SLTM: variants seen among roughly 807,000 people sequenced by gnomAD.
SLTM encodes the protein SAFB like transcription modulator.
SLTM carries 43 observed loss-of-function variants against 134.6 expected under a neutral mutation model. That is an observed-to-expected ratio of 0.32 (90% CI 0.25 to 0.41). The LOEUF is 0.41. Among genes scored for constraint, SLTM ranks in the 10% least tolerant of loss-of-function variants. SLTM has a pLI of 1.00. For missense variants in SLTM, 1,055 were observed against 1,288.8 expected, an observed-to-expected ratio of 0.82 and a Z score of 2.78; for synonymous variants, 424 against 432.3, an observed-to-expected ratio of 0.98 and a Z score of 0.24.
At chr15:58,913,831 T>C (rs554589603) in intron 3 of SLTM, 135 bp from the exon 4 acceptor site, 16 of 641,596 alleles carry the variant, frequency 2.5e-5, no homozygotes, top group Admixed American at 6.1e-5. Context: ...TCATTCATTT[T>C]ACCTTATATA....
Position 58,879,822 on chromosome 15 carries a change from C to G in SLTM, c.*177G>C. The G allele has an allele frequency of 1.4e-6, 1 of 736,290 alleles. No homozygotes were observed. The highest frequency in any genetic ancestry group is 2.0e-6 in the Non-Finnish European group (1 of 490,770). The allele number at this position is 736,290 out of a possible 1,614,324, so 45.6% of individuals were successfully genotyped here. The stretch of plus-strand genomic sequence containing the variant: ...TGATACACAAAACTATTAAAAGTTA[C>G]AACAGAACTATTTAAACATCTTCTC... On this transcript the variant is annotated 3_prime_UTR_variant, in exon 21 of 21. Coordinates refer to ENST00000380516, the MANE Select transcript of SLTM (RefSeq NM_024755.4).
At chr15:58,883,399 G>T (rs1234591071) in intron 20 of SLTM, 2 of 542,080 alleles carry the variant, frequency 3.7e-6, no homozygotes, top group East Asian at 6.5e-5. Context: ...ATATCAACTT[G>T]CCAGAACGTC....
intron 1 of SLTM, among the ~76,000 whole-genome samples, 186 bp downstream of exon 1, chr15:58,933,218 C>T (rs1315588420): frequency 6.6e-6 from 1 of 151,528 alleles, no homozygotes; most frequent in East Asian, 1.9e-4. Context: ...GCCCGGGGCG[C>T]GGGGCGGGGG....
Position 58,908,002 on chromosome 15 carries a change from CGTGTGTGTGTGTGTGTGTGT to C in SLTM, c.561+4541_561+4560del, listed in dbSNP as rs140029214. Among the ~76,000 whole-genome samples, 4 of 139,868 alleles carry C rather than the reference CGTGTGTGTGTGTGTGTGTGT, an allele frequency of 2.9e-5. No homozygotes were observed. In the East Asian group the frequency reaches 8.3e-4, roughly 29 times the overall value. 91.8% of individuals were successfully genotyped at this position (139,868 alleles called of 152,430 possible). ...GATATATCCCTATATAAACATGCTG[CGTGTGTGTGTGTGTGTGTGT>C]GTGTGTGTGTGTGTACATATACATA... On this transcript the variant is annotated intron_variant, in intron 5 of 20. Coordinates refer to ENST00000380516, the MANE Select transcript of SLTM (RefSeq NM_024755.4).
At chr15:58,923,480 CCATCCTGTCAATA>C (rs748403022) in intron 2 of SLTM, among the ~76,000 whole-genome samples, 4 of 152,132 alleles carry the variant, frequency 2.6e-5, no homozygotes, top group South Asian at 2.1e-4. Context: ...GTGTGTAACC[CCATCCTGTCAATA>C]CATCCTGTCA....
At chr15:58,897,535 G>C (rs1416356724) in intron 8 of SLTM, 1 of 199,272 alleles carries the variant, frequency 5.0e-6, no homozygotes, top group African/African-American at 2.3e-5. Flanking sequence ...GCACTGAATA[G>C]AGACAACTAG....
chr15:58,905,591 G>C (rs1450804342), intron 5 of SLTM, among the ~76,000 whole-genome samples: 7 of 151,988 alleles, frequency 4.6e-5, no homozygotes, highest in African/African-American at 1.7e-4. Context: ...AAAGAATGCA[G>C]TTTGACTCCC....
At chr15:58,924,932 G>A (rs530219420) in intron 2 of SLTM, among the ~76,000 whole-genome samples, 2 of 152,238 alleles carry the variant, frequency 1.3e-5, no homozygotes, top group Admixed American at 1.3e-4. Context: ...CAATCTTCCT[G>A]CCTTGGCCTC....
intron 2 of SLTM, among the ~76,000 whole-genome samples, chr15:58,920,785 T>G (rs2036987634): frequency 6.6e-6 from 1 of 151,396 alleles, no homozygotes; most frequent in Non-Finnish European, 1.5e-5. Flanking sequence ...GTGAACCCAT[T>G]CTTTACTAAA....
At chr15:58,893,186 A>T in intron 13 of SLTM, 93 bp downstream of exon 13, 5 of 1,409,350 alleles carry the variant, frequency 3.5e-6, no homozygotes, top group Non-Finnish European at 4.9e-6. Flanking sequence ...GTTTGCTAGC[A>T]TGCAAGTACG....
chr15:58,922,377 C>CAAAAAAAAAAAA (rs59996812), intron 2 of SLTM, among the ~76,000 whole-genome samples: 3 of 61,132 alleles, frequency 4.9e-5, no homozygotes, highest in African/African-American at 1.6e-4. Flanking sequence ...AACTCTGCCT[C>CAAAAAAAAAAAA]AAAAAAAAAA....
intron 9 of SLTM, 121 bp from the exon 10 acceptor site, chr15:58,894,703 A>ATTTT: frequency 1.0e-5 from 7 of 678,644 alleles, no homozygotes; most frequent in African/African-American, 4.1e-5. Flanking sequence ...ATTCTGTCTC[A>ATTTT]TGTTTTTTTT....
chr15:58,886,239 G>C (rs1325784763), intron 19 of SLTM, among the ~76,000 whole-genome samples: 1 of 145,718 alleles, frequency 6.9e-6, no homozygotes, highest in Non-Finnish European at 1.5e-5. Context: ...GTGTGTGTGT[G>C]TGTGTGTGTG....
intron 5 of SLTM, among the ~76,000 whole-genome samples, chr15:58,907,619 T>TCAACAA (rs71812823): frequency 6.6e-6 from 1 of 151,568 alleles, no homozygotes; most frequent in African/African-American, 2.4e-5. Context: ...AGACCAGGTC[T>TCAACAA]CAACAACAAC....
Position 58,889,431 on chromosome 15 carries a change from T to C in SLTM, c.2203A>G (p.Arg735Gly). 6.2e-7 allele frequency: 1 copy of C among 1,613,822 alleles called. No homozygotes were observed. The highest frequency in any genetic ancestry group is 8.5e-7 in the Non-Finnish European group (1 of 1,179,742). ...SLKRPRDVDH[R>G]RDDPYWSENK... is the part of the protein sequence containing the mutation. ...TTAAGGAATAAAATGAGTAACTACC[T>C]ATGATCTACATCACGTGGGCGTTTC... The change falls in exon 16 of 21, where the codon AGG becomes GGG. Residue 735 changes from arginine to glycine, a missense_variant and splice_region_variant. Coordinates refer to ENST00000380516, the MANE Select transcript of SLTM (RefSeq NM_024755.4).
intron 1 of SLTM, 31 bp from the exon 2 acceptor site, chr15:58,932,474 A>G (rs1228322595): frequency 1.4e-6 from 2 of 1,441,296 alleles, no homozygotes; most frequent in Admixed American, 3.4e-5. Context: ...AATATGCTAC[A>G]CAATCTATCT....
chr15:58,912,758 G>C (rs905340443), intron 4 of SLTM, 148 bp from the exon 5 acceptor site: 11 of 606,532 alleles, frequency 1.8e-5, no homozygotes, highest in African/African-American at 5.6e-5. Flanking sequence ...TTAATATTCA[G>C]ACTATATTTT....
chr15:58,903,681 G>A (rs1488129721), intron 5 of SLTM, among the ~76,000 whole-genome samples: 1 of 149,864 alleles, frequency 6.7e-6, no homozygotes, highest in East Asian at 2.0e-4. Flanking sequence ...AAAACTTAAA[G>A]TATAATAATA....
chr15:58,932,249 G>A, intron 2 of SLTM, 107 bp downstream of exon 2: 1 of 795,974 alleles, frequency 1.3e-6, no homozygotes, highest in South Asian at 1.6e-5. Flanking sequence ...ACTGCCAGAG[G>A]GAAATAGCAA....
Sources: allele counts gnomAD v4.1 joint callset (sites outside exome capture counted in the v4.1 genomes callset), GRCh38; gene constraint gnomAD v4.1.1; transcripts MANE v1.5; gene names NCBI Gene and HGNC (gene_info 2026-07-23, HGNC 2026-07-21).